Variants in MTCL1 observed in about 807,000 individuals in gnomAD.
The protein encoded by MTCL1 is microtubule crosslinking factor 1, also known as microtubule cross-linking factor 1.
Under a neutral mutation model 141.4 loss-of-function variants are expected in MTCL1, and 79 were observed. That is an observed-to-expected ratio of 0.56 (90% CI 0.47 to 0.67). MTCL1 has a LOEUF of 0.67. MTCL1 is among the 30% of genes least tolerant of loss of function. The pLI is 0.00. For missense variants in MTCL1, 2,177 were observed against 2,113.9 expected, an observed-to-expected ratio of 1.03 and a Z score of -0.59; for synonymous variants, 914 against 875.8, an observed-to-expected ratio of 1.04 and a Z score of -0.77.
At chr18:8,807,658 C>T (rs1486892887) in intron 11 of MTCL1, among the ~76,000 whole-genome samples, 1 of 152,136 alleles carries the variant, frequency 6.6e-6, no homozygotes, top group African/African-American at 2.4e-5. Flanking sequence ...AGAGGGAAGC[C>T]CCCTCTGAAG....
Position 8,706,482 on chromosome 18 carries a change from C to A in MTCL1, c.822C>A (p.Leu274=), listed in dbSNP as rs1178428388. ...CCCCAGCGCTCCTCGCCGCGCCCCT[C>A]GCCGCGGGCGCCTGTCCCGGGGGCC... Residue 274 remains leucine, a synonymous_variant, in exon 1 of 14, where the codon CTC becomes CTA. Transcript: ENST00000306329. 5.5e-6 allele frequency: 7 copies of A among 1,268,138 alleles called. No homozygotes were observed. In the African/African-American group the frequency reaches 1.1e-4, roughly 20 times the overall value. 78.6% of individuals were successfully genotyped at this position (1,268,138 alleles called of 1,614,324 possible).
At chr18:8,713,913 A>G (rs558577805), upstream of MTCL1, among the ~76,000 whole-genome samples, 2 of 152,340 alleles carry the variant, frequency 1.3e-5, no homozygotes, top group African/African-American at 4.8e-5. Flanking sequence ...ACTGCGCTCC[A>G]GGTTGGGTCA....
intron 12 of MTCL1, among the ~76,000 whole-genome samples, chr18:8,815,429 A>G (rs546885895): frequency 1.3e-5 from 2 of 152,094 alleles, no homozygotes; most frequent in African/African-American, 4.8e-5. Context: ...GTGAGATCAC[A>G]TGGACACAGG....
At chr18:8,735,996 T>C (rs1380935365) in intron 4 of MTCL1, among the ~76,000 whole-genome samples, 2 of 152,220 alleles carry the variant, frequency 1.3e-5, no homozygotes. Context: ...TAAATTTGCC[T>C]ACTATCATAT....
At chr18:8,792,956 T>C in intron 7 of MTCL1, 42 bp from the exon 7 acceptor site, 1 of 1,608,188 alleles carries the variant, frequency 6.2e-7, no homozygotes, top group Non-Finnish European at 8.5e-7. Context: ...TCAGGCAGAG[T>C]TCTCATTTCC....
chr18:8,718,311 G>A, intron 2 of MTCL1, 113 bp from the exon 2 acceptor site: 2 of 1,053,878 alleles, frequency 1.9e-6, no homozygotes, highest in Non-Finnish European at 2.8e-6. Flanking sequence ...TGAGGTGATG[G>A]GTAAGCGTGT....
intron 1 of MTCL1, among the ~76,000 whole-genome samples, chr18:8,708,818 A>G (rs1029241312): frequency 1.3e-5 from 2 of 152,196 alleles, no homozygotes; most frequent in African/African-American, 4.8e-5. Context: ...GTTGCCATTT[A>G]CTGTGGAGAA....
At chr18:8,821,372 C>T (rs1436700641) in intron 13 of MTCL1, 95 bp from the exon 13 acceptor site, 4 of 776,574 alleles carry the variant, frequency 5.2e-6, no homozygotes, top group Non-Finnish European at 8.8e-6. Context: ...TGGTGGTTTC[C>T]TGGGGGTGCA....
At chr18:8,714,730 T>C (rs143716884), upstream of MTCL1, among the ~76,000 whole-genome samples, 1,795 of 152,250 alleles carry the variant, frequency 0.012, 15 homozygotes, top group Non-Finnish European at 0.017. Flanking sequence ...TTATGGGAGC[T>C]ACAGTTCAAG....
intron 10 of MTCL1, chr18:8,800,900 A>C (rs140758446): frequency 5.9e-4 from 65 of 110,016 alleles, no homozygotes; most frequent in African/African-American, 2.2e-3. Context: ...ATCATTTAGT[A>C]AAACAACTAA....
chr18:8,815,425 T>C (rs1224783761), intron 12 of MTCL1, among the ~76,000 whole-genome samples: 1 of 151,662 alleles, frequency 6.6e-6, no homozygotes, highest in Admixed American at 6.6e-5. Flanking sequence ...AACAGTGAGA[T>C]CACATGGACA....
chr18:8,780,501 A>T (rs1191894148), intron 5 of MTCL1, among the ~76,000 whole-genome samples: 1 of 152,234 alleles, frequency 6.6e-6, no homozygotes, highest in Admixed American at 6.5e-5. Context: ...GCCCTCTGTG[A>T]TCTCTGCTGC....
At chr18:8,706,814 T>C in intron 1 of MTCL1, 101 bp downstream of exon 1, 1 of 1,488,136 alleles carries the variant, frequency 6.7e-7, no homozygotes, top group Non-Finnish European at 8.9e-7. Flanking sequence ...TCCAGCGCCT[T>C]CTCCCTCCTG....
chr18:8,819,369 C>A, intron 13 of MTCL1, 110 bp downstream of exon 12: 1 of 1,110,272 alleles, frequency 9.0e-7, no homozygotes. Flanking sequence ...AGCACTTTTG[C>A]ATACAGCAAC....
At chr18:8,780,784 T>C (rs1031991848) in intron 5 of MTCL1, among the ~76,000 whole-genome samples, 9 of 152,234 alleles carry the variant, frequency 5.9e-5, no homozygotes, top group Non-Finnish European at 1.5e-5. Context: ...TTTGCTGTAC[T>C]TTTGAAAGTT....
rs530719223 is a variant in MTCL1 at position 8,808,005 on chromosome 18, C to CAAA, written c.2604+961_2604+963dup. Among the ~76,000 whole-genome samples the CAAA allele has an allele frequency of 6.0e-3, 692 of 114,546 alleles. 9 individuals are homozygous for CAAA. The highest frequency in any genetic ancestry group is 0.018 in the African/African-American group (582 of 33,096). The allele number at this position is 114,546 out of a possible 152,430, so 75.1% of individuals were successfully genotyped here. A position where few individuals can be genotyped will look rare whatever the true frequency, so the allele number is the denominator to read the frequency against. On this transcript the variant is annotated intron_variant, in intron 11 of 16. Coordinates refer to ENST00000359865, the Ensembl canonical transcript of MTCL1. ...AAAAGATGAAAAAGACTTGATGTGT[C>CAAA]AAAAAAAAAAAAAAAAAACTCCAGC...
chr18:8,813,254 C>A, intron 12 of MTCL1, 21 bp downstream of exon 11: 1 of 1,605,776 alleles, frequency 6.2e-7, no homozygotes, highest in Non-Finnish European at 8.5e-7. Context: ...ACCCCGGGGC[C>A]CTGGAGCATA....
chr18:8,793,670 C>T (rs1236866220), intron 8 of MTCL1, among the ~76,000 whole-genome samples: 1 of 152,188 alleles, frequency 6.6e-6, no homozygotes. Context: ...CCCTGGACAT[C>T]CATGAGAACA....
intron 16 of MTCL1, chr18:8,829,824 G>A (rs1425104381): frequency 1.2e-5 from 12 of 985,152 alleles, no homozygotes; most frequent in African/African-American, 1.8e-5. Flanking sequence ...TCGGGAAAGC[G>A]CAGCATCGTT....
Sources: gnomAD v4.1 joint callset for allele counts (sites outside exome capture counted in the v4.1 genomes callset) on GRCh38, gnomAD v4.1.1 for gene constraint, MANE v1.5 for transcripts, NCBI Gene and HGNC (gene_info 2026-07-23, HGNC 2026-07-21) for gene names.